Variants in CMPK1 observed in about 807,000 individuals in gnomAD.
The protein encoded by CMPK1 is UMP-CMP kinase.
CMPK1 carries 10 observed loss-of-function variants against 25.7 expected under a neutral mutation model. The ratio of observed to expected loss-of-function variants is 0.39; its 90% confidence interval spans 0.24 to 0.66. CMPK1 has a LOEUF of 0.66. Ranked by LOEUF, CMPK1 falls within the 30% of genes least tolerant of loss-of-function variation. CMPK1 has a pLI of 0.48. For missense variants in CMPK1, 199 were observed against 280.5 expected, an observed-to-expected ratio of 0.71 and a Z score of 2.08; for synonymous variants, 106 against 101.5, an observed-to-expected ratio of 1.04 and a Z score of -0.27.
chr1:47,363,796 A>T (rs1260126559), intron 1 of CMPK1, among the ~76,000 whole-genome samples: 1 of 150,756 alleles, frequency 6.6e-6, no homozygotes, highest in Non-Finnish European at 1.5e-5. Context: ...TACAAATATT[A>T]GCCAGGTGTG....
chr1:47,355,289 G>A (rs1013970534), intron 1 of CMPK1, among the ~76,000 whole-genome samples: 8 of 148,716 alleles, frequency 5.4e-5, no homozygotes, highest in African/African-American at 5.0e-5. Flanking sequence ...CAGGTGATCC[G>A]CCTGCCTTGG....
intron 2 of CMPK1, among the ~76,000 whole-genome samples, chr1:47,372,281 C>T (rs1646682478): frequency 2.0e-5 from 3 of 151,994 alleles, no homozygotes; most frequent in Admixed American, 6.6e-5. Flanking sequence ...TTAGTAGAGA[C>T]GGGGTTTCAC....
intron 2 of CMPK1, among the ~76,000 whole-genome samples, chr1:47,370,191 A>C: frequency 6.7e-6 from 1 of 149,260 alleles, no homozygotes. Context: ...TGCTGGGATT[A>C]CAGGCGTGAG....
At chr1:47,375,389 ATTAG>A in intron 5 of CMPK1, 96 bp downstream of exon 5, 2 of 810,312 alleles carry the variant, frequency 2.5e-6, no homozygotes, top group East Asian at 2.7e-5. Flanking sequence ...ACTATCACAG[ATTAG>A]TTAGTTTTTC....
Position 47,378,395 on chromosome 1 carries a change from C to T in CMPK1, c.*1650C>T, listed in dbSNP as rs1359723004. On this transcript the variant is annotated 3_prime_UTR_variant, in exon 6 of 6. Coordinates refer to ENST00000371873, the MANE Select transcript of CMPK1 (RefSeq NM_016308.3). Reference sequence around the variant, plus strand: ...AGAGTAAAGACTAAGGTTTCGAGAGCATTCCTACTCACATAAGTGAAGAAA... The same window carrying T: ...AGAGTAAAGACTAAGGTTTCGAGAGTATTCCTACTCACATAAGTGAAGAAA... 1 of 152,120 alleles carries T rather than the reference C, an allele frequency of 6.6e-6. No individual in the cohort carries two copies. The highest frequency in any genetic ancestry group is 2.4e-5 in the African/African-American group (1 of 41,442). 9.4% of individuals were successfully genotyped at this position (152,120 alleles called of 1,614,324 possible). A position where few individuals can be genotyped will look rare whatever the true frequency, so the allele number is the denominator to read the frequency against.
intron 1 of CMPK1, among the ~76,000 whole-genome samples, chr1:47,364,189 T>C (rs901017930): frequency 3.3e-5 from 5 of 152,172 alleles, no homozygotes; most frequent in African/African-American, 1.2e-4. Flanking sequence ...AAAAAAAGAT[T>C]CTAAGGTTTA....
intron 1 of CMPK1, among the ~76,000 whole-genome samples, chr1:47,339,951 G>A (rs1646428031): frequency 6.6e-6 from 1 of 151,338 alleles, no homozygotes; most frequent in African/African-American, 2.4e-5. Flanking sequence ...CAGGTGATCC[G>A]CCTGCCTCAG....
chr1:47,370,788 A>AG (rs1418358181), intron 2 of CMPK1, among the ~76,000 whole-genome samples: 1 of 150,192 alleles, frequency 6.7e-6, no homozygotes. Context: ...AATACAAAAA[A>AG]AAAAAAAAAA....
intron 2 of CMPK1, among the ~76,000 whole-genome samples, chr1:47,371,527 C>A (rs1646677982): frequency 6.6e-6 from 1 of 152,030 alleles, no homozygotes; most frequent in African/African-American, 2.4e-5. Context: ...GAAAATCATT[C>A]CTCCTTTGTT....
intron 1 of CMPK1, among the ~76,000 whole-genome samples, chr1:47,338,537 T>TTCCCTCCCTCCCTCTCTCCG (rs2149323920): frequency 8.0e-5 from 5 of 62,286 alleles, no homozygotes; most frequent in South Asian, 1.2e-3. Context: ...CCCTCTCTCC[T>TTCCCTCCCTCCCTCTCTCCG]TCCCTCCCTC....
intron 1 of CMPK1, among the ~76,000 whole-genome samples, chr1:47,362,076 G>A (rs1425636510): frequency 2.0e-5 from 3 of 151,356 alleles, no homozygotes; most frequent in Non-Finnish European, 2.9e-5. Context: ...CTCCATGTTG[G>A]TCAGGCTGGT....
chr1:47,343,818 C>T (rs192803895), intron 1 of CMPK1, among the ~76,000 whole-genome samples: 39 of 149,748 alleles, frequency 2.6e-4, no homozygotes, highest in Admixed American at 1.9e-3. Context: ...ACCCAGGAGG[C>T]GGAGCTTGCG....
At chr1:47,371,661 T>C (rs536369603) in intron 2 of CMPK1, among the ~76,000 whole-genome samples, 1 of 152,350 alleles carries the variant, frequency 6.6e-6, no homozygotes, top group Admixed American at 6.5e-5. Context: ...TTATACTTGG[T>C]CTTATTCAGC....
Position 47,349,874 on chromosome 1 carries a change from C to T in CMPK1, c.171+15758C>T, listed in dbSNP as rs1407165165. Among the ~76,000 whole-genome samples, 8 of 150,968 alleles carry T rather than the reference C, an allele frequency of 5.3e-5. No homozygotes were observed. The South Asian group carries it at 1.3e-3, about 24-fold the overall frequency. On this transcript the variant is annotated intron_variant, in intron 1 of 5. Coordinates refer to ENST00000371873, the MANE Select transcript of CMPK1 (RefSeq NM_016308.3). ...AGGCTGGAGTGCAGTGGCGCAATCT[C>T]GGCTCACTGCAATCTCCGCCTCCCG...
chr1:47,345,027 C>T (rs185964438), intron 1 of CMPK1, among the ~76,000 whole-genome samples: 1 of 152,122 alleles, frequency 6.6e-6, no homozygotes, highest in Admixed American at 6.6e-5. Flanking sequence ...CGCGATTCTC[C>T]TGCCTCAGCC....
chr1:47,334,107 C>T lies in CMPK1; in HGVS notation c.162C>T (p.Arg54=). The T allele has an allele frequency of 1.3e-6, 2 of 1,517,358 alleles. No homozygotes were observed. The highest frequency in any genetic ancestry group is 1.8e-6 in the Non-Finnish European group (2 of 1,130,166). The allele number at this position is 1,517,358 out of a possible 1,614,324, so 94.0% of individuals were successfully genotyped here. A position where few individuals can be genotyped will look rare whatever the true frequency, so the allele number is the denominator to read the frequency against. Residue 54 remains arginine, a synonymous_variant, in exon 1 of 6, where the codon CGC becomes CGT. Coordinates refer to ENST00000371873, the MANE Select transcript of CMPK1 (RefSeq NM_016308.3). ...PGAGKGTQCA[R]IVEKYGYTHL... ...CCGGCAAGGGGACCCAGTGCGCCCG[C>T]ATCGTCGAGGTGAGGCCCGGGCAGC...
At chr1:47,374,436 A>G (rs551854057) in intron 3 of CMPK1, among the ~76,000 whole-genome samples, 10 of 152,368 alleles carry the variant, frequency 6.6e-5, no homozygotes, top group African/African-American at 2.4e-4. Flanking sequence ...AGTTAACTTT[A>G]GAATGTTACC....
At chr1:47,345,193 C>T (rs1199851138) in intron 1 of CMPK1, among the ~76,000 whole-genome samples, 1 of 152,008 alleles carries the variant, frequency 6.6e-6, no homozygotes, top group Non-Finnish European at 1.5e-5. Flanking sequence ...GCTGGGATTA[C>T]AGGCGTGAGC....
Position 47,333,843 on chromosome 1 carries a change from G to T in CMPK1, c.-103G>T, listed in dbSNP as rs2149321977. 4 of 765,444 alleles carry T rather than the reference G, an allele frequency of 5.2e-6. No individual in the cohort carries two copies. In the South Asian group the frequency reaches 1.7e-4, roughly 33 times the overall value. 47.4% of individuals were successfully genotyped at this position (765,444 alleles called of 1,614,324 possible). ...GCAGCCACGGCGGCGGGGCCGCGGCGGGCGCCGGCTCAGCCCGCCCCTTTC... is the reference window on the plus strand; with the variant it reads ...GCAGCCACGGCGGCGGGGCCGCGGCTGGCGCCGGCTCAGCCCGCCCCTTTC... On this transcript the variant is annotated 5_prime_UTR_variant, in exon 1 of 6. Coordinates refer to ENST00000371873, the MANE Select transcript of CMPK1 (RefSeq NM_016308.3).
Sources: gnomAD v4.1 joint callset for allele counts (sites outside exome capture counted in the v4.1 genomes callset) on GRCh38, gnomAD v4.1.1 for gene constraint, MANE v1.5 for transcripts, NCBI Gene and HGNC (gene_info 2026-07-23, HGNC 2026-07-21) for gene names.